Variants in MYO16 observed in about 807,000 individuals in gnomAD.
MYO16 encodes the protein myosin XVI.
Under a neutral mutation model 205.3 loss-of-function variants are expected in MYO16, and 94 were observed. That is an observed-to-expected ratio of 0.46 (90% CI 0.39 to 0.54). The LOEUF is 0.54. Ranked by LOEUF, MYO16 falls within the 20% of genes least tolerant of loss-of-function variation. The probability of loss-of-function intolerance (pLI) is 0.00; values close to 1 mark genes in which losing one functional copy is unlikely to be tolerated. For missense variants in MYO16, 2,315 were observed against 2,387.5 expected (o/e 0.97, Z 0.63); for synonymous variants, 988 against 954.0 (o/e 1.04, Z -0.66).
chr13:108,517,519 A>G, the MYO16 span, among the ~76,000 whole-genome samples: 8 of 152,228 alleles, frequency 5.3e-5, no homozygotes, highest in Admixed American at 2.6e-4. Context: ...ACTTGGAAAA[A>G]TATGTGGGTA....
At chr13:108,555,400 G>A in the MYO16 span, among the ~76,000 whole-genome samples, 2 of 152,186 alleles carry the variant, frequency 1.3e-5, no homozygotes, top group Non-Finnish European at 2.9e-5. Flanking sequence ...CATCATAAAG[G>A]TAGTAATTCA....
chr13:108,500,299 A>G, the MYO16 span, among the ~76,000 whole-genome samples: 7 of 120,480 alleles, frequency 5.8e-5, no homozygotes, highest in South Asian at 2.0e-3. Context: ...GCACAATCTC[A>G]TCTCACTGCA....
chr13:109,135,278 A>G (rs1225137829), intron 31 of MYO16, among the ~76,000 whole-genome samples: 5 of 152,170 alleles, frequency 3.3e-5, no homozygotes, highest in African/African-American at 1.2e-4. Flanking sequence ...TTATGCCTTC[A>G]TGAGGATGAA....
chr13:109,129,194 G>A (rs937341971), intron 31 of MYO16, among the ~76,000 whole-genome samples: 1 of 151,422 alleles, frequency 6.6e-6, no homozygotes, highest in South Asian at 2.1e-4. Flanking sequence ...AGACCTTTAG[G>A]ATATTTTTCA....
In MYO16 at chr13:109,007,646, G is replaced by T. The variant is rs931351206; in HGVS notation, c.2443-1251G>T. Among the ~76,000 whole-genome samples the T allele has an allele frequency of 2.6e-5, 4 of 151,480 alleles. No individual in the cohort carries two copies. The South Asian group carries it at 8.3e-4, about 32-fold the overall frequency. On this transcript the variant is annotated intron_variant, in intron 21 of 34. Transcript: ENST00000457511. The stretch of plus-strand genomic sequence containing the variant: ...GCCTAGAGGGGAAGTCGGATTTTGC[G>T]CTGGTTAGATTTGAGTTATGGTATA...
chr13:108,575,233 G>C, the MYO16 span, among the ~76,000 whole-genome samples: 13 of 152,156 alleles, frequency 8.5e-5, no homozygotes, highest in Non-Finnish European at 1.2e-4. Flanking sequence ...CTTTTCATCT[G>C]CTTAGAGCTT....
intron 23 of MYO16, among the ~76,000 whole-genome samples, chr13:109,021,285 C>T (rs1009734224): frequency 6.6e-6 from 1 of 152,160 alleles, no homozygotes; most frequent in Non-Finnish European, 1.5e-5. Flanking sequence ...AAGACAGTTA[C>T]AGCCTTATCT....
At chr13:109,107,423 A>G (rs1483971932) in intron 28 of MYO16, among the ~76,000 whole-genome samples, 1 of 152,216 alleles carries the variant, frequency 6.6e-6, no homozygotes, top group Admixed American at 6.5e-5. Context: ...TTACCATAAC[A>G]TTACATAAAA....
In MYO16 at chr13:108,940,122, T is replaced by G. The variant is rs148526743; in HGVS notation, c.1926-17566T>G. ...CCATGAAATTTCTGCTTGCTGATAA[T>G]CTTAGAAAAATAAAAATTTAAAGAC... On this transcript the variant is annotated intron_variant, in intron 16 of 34. Coordinates refer to ENST00000457511, the MANE Select transcript of MYO16 (RefSeq NM_001198950.3). Among the ~76,000 whole-genome samples, 73 of 152,220 alleles carry G rather than the reference T, an allele frequency of 4.8e-4. 3 individuals are homozygous for G. The East Asian group carries it at 0.013, about 26-fold the overall frequency.
intron 23 of MYO16, among the ~76,000 whole-genome samples, chr13:109,044,201 C>T (rs1332443213): frequency 1.3e-5 from 2 of 152,028 alleles, no homozygotes; most frequent in East Asian, 3.9e-4. Flanking sequence ...CCCTAAGTTT[C>T]AGGTTTTCTT....
At chr13:109,194,124 A>G (rs1566557932) in intron 34 of MYO16, among the ~76,000 whole-genome samples, 2 of 152,114 alleles carry the variant, frequency 1.3e-5, no homozygotes, top group African/African-American at 2.4e-5. Flanking sequence ...TATTCATATA[A>G]TTTTTATGCA....
At chr13:108,699,755 C>T (rs1253322222) in intron 2 of MYO16, among the ~76,000 whole-genome samples, 1 of 152,092 alleles carries the variant, frequency 6.6e-6, no homozygotes, top group East Asian at 1.9e-4. Context: ...TGACAATAGC[C>T]TTTTGAATAT....
At chr13:109,097,818 A>G (rs1330315829) in intron 27 of MYO16, among the ~76,000 whole-genome samples, 4 of 152,176 alleles carry the variant, frequency 2.6e-5, no homozygotes, top group Admixed American at 6.5e-5. Context: ...AAATCCATCT[A>G]TGAGAAGAAA....
intron 1 of MYO16, among the ~76,000 whole-genome samples, chr13:108,619,962 GA>G (rs1727373425): frequency 6.6e-6 from 1 of 152,180 alleles, no homozygotes; most frequent in African/African-American, 2.4e-5. Flanking sequence ...CACCTAGCAG[GA>G]GGGGTATTGC....
chr13:108,592,654 G>A (rs1878434728), upstream of MYO16, among the ~76,000 whole-genome samples: 1 of 148,908 alleles, frequency 6.7e-6, no homozygotes, highest in Non-Finnish European at 1.5e-5. Context: ...TGTGTAAGAG[G>A]GAGTGTGGAG....
At chr13:109,159,964 C>T (rs1297507283) in intron 32 of MYO16, among the ~76,000 whole-genome samples, 2 of 152,160 alleles carry the variant, frequency 1.3e-5, no homozygotes, top group Non-Finnish European at 2.9e-5. Context: ...AGGCTGGAGT[C>T]GGGAATGACA....
chr13:108,736,935 G>A (rs2139603435), intron 4 of MYO16, among the ~76,000 whole-genome samples: 1 of 151,656 alleles, frequency 6.6e-6, no homozygotes, highest in East Asian at 1.9e-4. Context: ...TGATTTGGCT[G>A]TTTGTCTGTT....
At chr13:108,670,659 A>T (rs1161504946) in intron 2 of MYO16, among the ~76,000 whole-genome samples, 1 of 152,230 alleles carries the variant, frequency 6.6e-6, no homozygotes, top group Non-Finnish European at 1.5e-5. Context: ...ACAAAGAAGG[A>T]TCAAATGTGA....
At chr13:109,180,854 C>T (rs953499293) in intron 34 of MYO16, among the ~76,000 whole-genome samples, 1 of 152,332 alleles carries the variant, frequency 6.6e-6, no homozygotes, top group African/African-American at 2.4e-5. Context: ...CAGATGCTTC[C>T]TCTGAGATCA....
Sources: allele counts gnomAD v4.1 joint callset (sites outside exome capture counted in the v4.1 genomes callset), GRCh38; gene constraint gnomAD v4.1.1; transcripts MANE v1.5; gene names NCBI Gene and HGNC (gene_info 2026-07-23, HGNC 2026-07-21).